The following SUGCT variants were observed in gnomAD, a reference collection of about 807,000 sequenced individuals.
The protein encoded by SUGCT is succinyl-CoA:glutarate-CoA transferase, also known as succinyl-CoA:glutarate CoA-transferase.
A neutral mutation model predicts 55.0 loss-of-function variants in SUGCT; 41 were observed. The observed-to-expected ratio is 0.74, with a 90% CI of 0.58 to 0.97. SUGCT has a LOEUF of 0.97. Among genes scored for constraint, SUGCT ranks in the 50% least tolerant of loss-of-function variants. SUGCT has a pLI of 0.00. For synonymous variants in SUGCT, 187 were observed against 200.4 expected, an observed-to-expected ratio of 0.93 and a Z score of 0.56; for missense variants, 568 against 547.8, an observed-to-expected ratio of 1.04 and a Z score of -0.37.
chr7:40,306,761 T>C (rs879703900), intron 8 of SUGCT, among the ~76,000 whole-genome samples: 1 of 152,234 alleles, frequency 6.6e-6, no homozygotes, highest in Non-Finnish European at 1.5e-5. Context: ...CACTTACTCA[T>C]CACATTTTGT....
intron 9 of SUGCT, among the ~76,000 whole-genome samples, chr7:40,416,863 T>A (rs1787030581): frequency 6.6e-6 from 1 of 152,018 alleles, no homozygotes; most frequent in African/African-American, 2.4e-5. Flanking sequence ...AGTTGGATAA[T>A]TCAGCTGTAA....
intron 6 of SUGCT, among the ~76,000 whole-genome samples, chr7:40,234,770 G>A (rs957178474): frequency 6.6e-6 from 1 of 152,072 alleles, no homozygotes; most frequent in African/African-American, 2.4e-5. Context: ...TTAGCTGGGT[G>A]TAGTGGTGTG....
At chr7:40,168,550 G>A (rs1784528636) in intron 1 of SUGCT, among the ~76,000 whole-genome samples, 1 of 152,168 alleles carries the variant, frequency 6.6e-6, no homozygotes, top group South Asian at 2.1e-4. Flanking sequence ...AGTGCAAAGT[G>A]CAGGGGATTA....
chr7:40,417,134 C>G (rs548963173), intron 9 of SUGCT, among the ~76,000 whole-genome samples: 6 of 151,936 alleles, frequency 3.9e-5, no homozygotes, highest in East Asian at 1.9e-4. Context: ...TCTCTTTTCT[C>G]CTTATCAGAC....
At chr7:40,608,624 A>G (rs1038307249) in intron 12 of SUGCT, among the ~76,000 whole-genome samples, 83 of 152,190 alleles carry the variant, frequency 5.5e-4, no homozygotes, top group African/African-American at 2.0e-3. Flanking sequence ...CTCTAGCTCT[A>G]GGGAATGCAG....
the SUGCT span, among the ~76,000 whole-genome samples, chr7:41,018,291 A>T: frequency 3.9e-5 from 6 of 152,134 alleles, no homozygotes; most frequent in African/African-American, 1.4e-4. Context: ...GGGCTACCAG[A>T]GAAGGTGAGC....
At chr7:40,672,360 G>C (rs938047632) in intron 12 of SUGCT, among the ~76,000 whole-genome samples, 6 of 152,178 alleles carry the variant, frequency 3.9e-5, no homozygotes, top group African/African-American at 1.4e-4. Flanking sequence ...GAGATGAAAA[G>C]ACAAGTTACA....
At chr7:40,888,954 C>T in the SUGCT span, among the ~76,000 whole-genome samples, 4 of 152,224 alleles carry the variant, frequency 2.6e-5, no homozygotes, top group Non-Finnish European at 4.4e-5. Flanking sequence ...CCTTAGCTGT[C>T]AGTTAGGCTG....
chr7:40,283,205 C>T (rs895618834), intron 8 of SUGCT, among the ~76,000 whole-genome samples: 7 of 151,410 alleles, frequency 4.6e-5, no homozygotes, highest in South Asian at 2.1e-4. Flanking sequence ...TTTGGGCAAA[C>T]GACCTGAATA....
In SUGCT at chr7:40,398,668, T is replaced by C. The variant is rs1440414345; in HGVS notation, c.817-50619T>C. 3.3e-5 allele frequency among the ~76,000 whole-genome samples: 5 copies of C among 152,158 alleles called. No individual in the cohort carries two copies. In the East Asian group the frequency reaches 9.6e-4, roughly 29 times the overall value. Reference sequence around the variant, plus strand: ...GACTTGGCAAAGAATAAATTAGTCCTGTTATAAGGCCCAATCTTTTTATTA... The same window carrying C: ...GACTTGGCAAAGAATAAATTAGTCCCGTTATAAGGCCCAATCTTTTTATTA... On this transcript the variant is annotated intron_variant, in intron 9 of 13. Coordinates refer to ENST00000335693, the MANE Select transcript of SUGCT (RefSeq NM_001193313.2).
At chr7:40,565,993 G>GCACACACACACACA (rs376444246) in intron 12 of SUGCT, among the ~76,000 whole-genome samples, 3 of 123,948 alleles carry the variant, frequency 2.4e-5, no homozygotes, top group African/African-American at 1.2e-4. Flanking sequence ...ACACACACAC[G>GCACACACACACACA]CACACACACA....
chr7:40,197,509 A>G (rs1390539515), intron 6 of SUGCT, among the ~76,000 whole-genome samples: 2 of 152,158 alleles, frequency 1.3e-5, no homozygotes, highest in Non-Finnish European at 2.9e-5. Context: ...TTTGGCTCCA[A>G]GTTGTGCATT....
At chr7:40,232,540 T>C (rs1017697006) in intron 6 of SUGCT, among the ~76,000 whole-genome samples, 2 of 152,134 alleles carry the variant, frequency 1.3e-5, no homozygotes, top group Admixed American at 6.6e-5. Context: ...TGAGCACTGA[T>C]GGGAGAGAGG....
At chr7:40,776,397 A>G (rs1339897052) in intron 13 of SUGCT, among the ~76,000 whole-genome samples, 1 of 152,282 alleles carries the variant, frequency 6.6e-6, no homozygotes, top group East Asian at 1.9e-4. Flanking sequence ...TTAGGACATA[A>G]ACCCAAACTG....
chr7:40,965,792 A>C, the SUGCT span: 1 of 152,202 alleles, frequency 6.6e-6, no homozygotes, highest in African/African-American at 2.4e-5. Flanking sequence ...TCAGAGAATG[A>C]CCTCTTTGTT....
intron 12 of SUGCT, among the ~76,000 whole-genome samples, chr7:40,705,828 C>T (rs1785371138): frequency 6.6e-6 from 1 of 151,246 alleles, no homozygotes; most frequent in African/African-American, 2.5e-5. Flanking sequence ...CCTGGCGGCT[C>T]CTTTCCATGG....
At position 40,423,822 on chromosome 7, in the gene SUGCT, G is replaced by GT. The variant is rs574217039; in HGVS notation, c.817-25462dup. ...TTTTAAACACACCAACACAGTGTAT[G>GT]TTTACAACATCAAGGGGTTTATTTG... On this transcript the variant is annotated intron_variant, in intron 9 of 13. Coordinates refer to ENST00000335693, the MANE Select transcript of SUGCT (RefSeq NM_001193313.2). 9.5e-4 allele frequency among the ~76,000 whole-genome samples: 145 copies of GT among 152,184 alleles called. 2 individuals are homozygous for GT. In the South Asian group the frequency reaches 0.029, roughly 30 times the overall value.
At chr7:40,384,585 C>T (rs1158794163) in intron 9 of SUGCT, among the ~76,000 whole-genome samples, 3 of 151,592 alleles carry the variant, frequency 2.0e-5, no homozygotes, top group Non-Finnish European at 4.4e-5. Flanking sequence ...GTATCTTGCT[C>T]TGTTGCCTGG....
At chr7:40,442,139 C>T (rs1453543565) in intron 9 of SUGCT, among the ~76,000 whole-genome samples, 1 of 152,098 alleles carries the variant, frequency 6.6e-6, no homozygotes, top group African/African-American at 2.4e-5. Context: ...GAAAGGTAAG[C>T]AAGGGAACTA....
Sources: allele counts gnomAD v4.1 joint callset (sites outside exome capture counted in the v4.1 genomes callset), GRCh38; gene constraint gnomAD v4.1.1; transcripts MANE v1.5; gene names NCBI Gene and HGNC (gene_info 2026-07-23, HGNC 2026-07-21).